Variants in CNTNAP2 observed in about 807,000 individuals in gnomAD.
The protein encoded by CNTNAP2 is contactin-associated protein-like 2.
In CNTNAP2, 98 loss-of-function variants were observed where a neutral mutation model predicts 155.2. That is an observed-to-expected ratio of 0.63 (90% CI 0.54 to 0.75). CNTNAP2 has a LOEUF of 0.75. Among genes scored for constraint, CNTNAP2 ranks in the 30% least tolerant of loss-of-function variants. CNTNAP2 has a pLI of 0.00. For missense variants in CNTNAP2, 1,727 were observed against 1,688.1 expected (o/e 1.02, Z -0.40); for synonymous variants, 651 against 631.2 (o/e 1.03, Z -0.47).
intron 8 of CNTNAP2, among the ~76,000 whole-genome samples, chr7:147,216,989 G>A (rs1328719291): frequency 1.3e-5 from 2 of 151,578 alleles, no homozygotes; most frequent in African/African-American, 2.4e-5. Flanking sequence ...TTCATTGCTG[G>A]TATATAGAAA....
intron 21 of CNTNAP2, among the ~76,000 whole-genome samples, chr7:148,333,444 ACAC>A (rs1158418130): frequency 7.2e-6 from 1 of 138,852 alleles, no homozygotes; most frequent in African/African-American, 2.8e-5. Flanking sequence ...GAAAAAAAAA[ACAC>A]TCATTTTTTA....
At chr7:146,552,037 C>T (rs1355397584) in intron 1 of CNTNAP2, among the ~76,000 whole-genome samples, 4 of 151,966 alleles carry the variant, frequency 2.6e-5, no homozygotes, top group Non-Finnish European at 5.9e-5. Context: ...AAAAATGCAA[C>T]TGATATAAGC....
intron 14 of CNTNAP2, among the ~76,000 whole-genome samples, chr7:147,973,181 A>T (rs1401343941): frequency 1.4e-5 from 2 of 141,454 alleles, no homozygotes; most frequent in Non-Finnish European, 3.1e-5. Context: ...AAAAAAAAAA[A>T]GTAGGTTGTG....
At chr7:147,018,485 TG>T in intron 3 of CNTNAP2, among the ~76,000 whole-genome samples, 1 of 152,166 alleles carries the variant, frequency 6.6e-6, no homozygotes, top group South Asian at 2.1e-4. Context: ...ATGACTGGTT[TG>T]GATGGGGAAA....
chr7:147,279,123 A>G (rs986152596), intron 8 of CNTNAP2, among the ~76,000 whole-genome samples: 1 of 151,712 alleles, frequency 6.6e-6, no homozygotes, highest in Non-Finnish European at 1.5e-5. Flanking sequence ...ACATTTTGAC[A>G]TGTTATAATC....
intron 1 of CNTNAP2, among the ~76,000 whole-genome samples, chr7:146,558,083 G>A (rs1171608753): frequency 6.6e-6 from 1 of 152,194 alleles, no homozygotes; most frequent in Non-Finnish European, 1.5e-5. Flanking sequence ...AGACATGACA[G>A]TTTTCTGTTA....
intron 10 of CNTNAP2, among the ~76,000 whole-genome samples, chr7:147,400,412 G>A (rs1378022786): frequency 1.3e-5 from 2 of 152,182 alleles, no homozygotes; most frequent in Non-Finnish European, 2.9e-5. Flanking sequence ...TAGAATTATT[G>A]TTTGACCTGT....
At chr7:147,273,788 TTATA>T (rs970127661) in intron 8 of CNTNAP2, among the ~76,000 whole-genome samples, 1 of 146,532 alleles carries the variant, frequency 6.8e-6, no homozygotes, top group Non-Finnish European at 1.5e-5. Context: ...TATATCTATT[TTATA>T]TATATTTTTA....
At chr7:148,248,731 C>A (rs55806840) in intron 20 of CNTNAP2, among the ~76,000 whole-genome samples, 27,962 of 152,058 alleles carry the variant, frequency 0.18, 2,675 homozygotes, top group Middle Eastern at 0.22. Context: ...ATGTATAGAG[C>A]AGACTTTTTT....
At chr7:146,886,373 T>A (rs1795660600) in intron 3 of CNTNAP2, among the ~76,000 whole-genome samples, 1 of 152,102 alleles carries the variant, frequency 6.6e-6, no homozygotes, top group Admixed American at 6.6e-5. Flanking sequence ...TTATTGTTTT[T>A]AATGTTTAAT....
At chr7:148,307,818 C>G (rs959358731) in intron 21 of CNTNAP2, among the ~76,000 whole-genome samples, 1 of 151,998 alleles carries the variant, frequency 6.6e-6, no homozygotes, top group Non-Finnish European at 1.5e-5. Flanking sequence ...AAAAAAAACA[C>G]AAAAATTGCC....
intron 10 of CNTNAP2, among the ~76,000 whole-genome samples, chr7:147,433,646 C>G (rs1417407968): frequency 6.6e-6 from 1 of 152,144 alleles, no homozygotes; most frequent in African/African-American, 2.4e-5. Flanking sequence ...TTCATATTTT[C>G]AGATCAATCA....
At chr7:148,095,554 A>T (rs1803947482) in intron 15 of CNTNAP2, among the ~76,000 whole-genome samples, 1 of 152,234 alleles carries the variant, frequency 6.6e-6, no homozygotes, top group African/African-American at 2.4e-5. Flanking sequence ...AATGAAAAAG[A>T]ACTGCAAGAC....
At chr7:146,471,618 G>A (rs1180247135) in intron 1 of CNTNAP2, among the ~76,000 whole-genome samples, 1 of 152,196 alleles carries the variant, frequency 6.6e-6, no homozygotes, top group Non-Finnish European at 1.5e-5. Context: ...CAATTTGTGT[G>A]TGCAGATTCA....
intron 1 of CNTNAP2, among the ~76,000 whole-genome samples, chr7:146,693,959 C>A (rs1313495555): frequency 6.6e-6 from 1 of 151,378 alleles, no homozygotes; most frequent in Non-Finnish European, 1.5e-5. Context: ...TTGTTCAGCT[C>A]CTAATTTTAA....
At chr7:147,939,813 C>CA (rs1800684514) in intron 14 of CNTNAP2, among the ~76,000 whole-genome samples, 6 of 151,966 alleles carry the variant, frequency 3.9e-5, no homozygotes, top group Admixed American at 3.9e-4. Flanking sequence ...CACACACACA[C>CA]CCCCCAGCAG....
chr7:146,569,003 TTTTTAA>T (rs1798399693), intron 1 of CNTNAP2, among the ~76,000 whole-genome samples: 1 of 151,298 alleles, frequency 6.6e-6, no homozygotes, highest in African/African-American at 2.4e-5. Context: ...ATTTTTTTTA[TTTTTAA>T]TTATTTATTT....
chr7:146,550,415 T>TTTTTTTTTG (rs1798101961), intron 1 of CNTNAP2, among the ~76,000 whole-genome samples: 6 of 115,760 alleles, frequency 5.2e-5, no homozygotes, highest in Admixed American at 9.1e-5. Flanking sequence ...TTTTTTTTTT[T>TTTTTTTTTG]TTTTTTTTTT....
intron 15 of CNTNAP2, among the ~76,000 whole-genome samples, chr7:148,004,605 T>C (rs897874793): frequency 2.6e-5 from 4 of 152,198 alleles, no homozygotes; most frequent in African/African-American, 4.8e-5. Context: ...CCTTTTCCAG[T>C]AAGTTCTCAT....
Sources: allele counts gnomAD v4.1 joint callset (sites outside exome capture counted in the v4.1 genomes callset), GRCh38; gene constraint gnomAD v4.1.1; transcripts MANE v1.5; gene names NCBI Gene and HGNC (gene_info 2026-07-23, HGNC 2026-07-21).